Variants in PKNOX2 observed in about 807,000 individuals in gnomAD.
PKNOX2 encodes the protein homeobox protein PKNOX2.
PKNOX2 carries 14 observed loss-of-function variants against 53.1 expected under a neutral mutation model. The ratio of observed to expected loss-of-function variants is 0.26; its 90% CI spans 0.17 to 0.41. The LOEUF (loss-of-function observed/expected upper bound fraction) is 0.41, where lower values mean the gene tolerates loss of function less well. Ranked by LOEUF, PKNOX2 falls within the 10% of genes least tolerant of loss-of-function variation. The pLI is 1.00. For synonymous variants in PKNOX2, 257 were observed against 242.8 expected (o/e 1.06, Z -0.54); for missense variants, 496 against 602.8 (o/e 0.82, Z 1.85).
At chr11:125,420,543 T>C (rs566635603) in intron 10 of PKNOX2, among the ~76,000 whole-genome samples, 4 of 151,638 alleles carry the variant, frequency 2.6e-5, no homozygotes, top group African/African-American at 9.7e-5. Flanking sequence ...AAAAGAAGAA[T>C]GCTAGTGCTT....
At chr11:125,246,078 G>A (rs764971086) in intron 2 of PKNOX2, among the ~76,000 whole-genome samples, 1 of 152,190 alleles carries the variant, frequency 6.6e-6, no homozygotes, top group Admixed American at 6.5e-5. Context: ...CCAGGGAACA[G>A]GAAGAATAGC....
At chr11:125,410,460 T>G (rs1232781531) in intron 8 of PKNOX2, 135 bp downstream of exon 8, 2 of 1,262,260 alleles carry the variant, frequency 1.6e-6, no homozygotes, top group African/African-American at 3.0e-5. Flanking sequence ...GACTAAAGTT[T>G]TCTGTAAGTT....
At chr11:125,242,648 A>G (rs1943250010) in intron 2 of PKNOX2, among the ~76,000 whole-genome samples, 1 of 151,976 alleles carries the variant, frequency 6.6e-6, no homozygotes, top group African/African-American at 2.4e-5. Context: ...CTTCCTGTGC[A>G]ATGCGGGGCA....
intron 3 of PKNOX2, among the ~76,000 whole-genome samples, chr11:125,346,402 T>C (rs906788933): frequency 3.9e-5 from 6 of 152,212 alleles, no homozygotes; most frequent in African/African-American, 1.2e-4. Flanking sequence ...GCTTCCCGAA[T>C]GTTCTGGGGA....
At chr11:125,399,195 G>T (rs1954590142) in intron 7 of PKNOX2, among the ~76,000 whole-genome samples, 1 of 152,242 alleles carries the variant, frequency 6.6e-6, no homozygotes, top group Admixed American at 6.5e-5. Context: ...AGGACATAGG[G>T]CAAGAAGTTT....
At chr11:125,318,050 T>C (rs74725521) in intron 2 of PKNOX2, among the ~76,000 whole-genome samples, 9,530 of 152,270 alleles carry the variant, frequency 0.063, 478 homozygotes, top group East Asian at 0.18. Flanking sequence ...TTTTATGTTA[T>C]AGAGATAGTT....
In PKNOX2 at chr11:125,356,029, A is replaced by ACC. The variant is rs66888533; in HGVS notation, c.87+4647_87+4648dup. ...CACAAAACACACTCTCACTATCAGC[A>ACC]CCCCCCCCCCCACAACTTTTCCTCA... On this transcript the variant is annotated intron_variant, in intron 4 of 12. Transcript: ENST00000298282. 5.5e-3 allele frequency among the ~76,000 whole-genome samples: 496 copies of ACC among 89,938 alleles called. 6 individuals are homozygous for ACC. Among genetic ancestry groups the ACC allele is most frequent in the Middle Eastern group, 7.9e-3 (1 of 126 alleles). The allele number at this position is 89,938 out of a possible 152,430, so 59.0% of individuals were successfully genotyped here. A position where few individuals can be genotyped will look rare whatever the true frequency, so the allele number is the denominator to read the frequency against.
chr11:125,313,319 G>T (rs1948948149), intron 2 of PKNOX2, among the ~76,000 whole-genome samples: 1 of 152,184 alleles, frequency 6.6e-6, no homozygotes, highest in African/African-American at 2.4e-5. Context: ...GTTTGGGGAG[G>T]TTGCTGTGGG....
intron 1 of PKNOX2, among the ~76,000 whole-genome samples, chr11:125,200,723 A>G (rs1255758585): frequency 6.6e-6 from 1 of 152,116 alleles, no homozygotes; most frequent in Non-Finnish European, 1.5e-5. Context: ...TGTGGAGTTT[A>G]TTGTCTGACT....
At chr11:125,318,905 T>C (rs1949363243) in intron 2 of PKNOX2, among the ~76,000 whole-genome samples, 1 of 152,234 alleles carries the variant, frequency 6.6e-6, no homozygotes, top group African/African-American at 2.4e-5. Flanking sequence ...CCTGCTGTTA[T>C]GTAAGACGTG....
At chr11:125,367,458 C>G (rs1032510702) in intron 4 of PKNOX2, among the ~76,000 whole-genome samples, 7 of 152,204 alleles carry the variant, frequency 4.6e-5, no homozygotes, top group African/African-American at 1.7e-4. Flanking sequence ...CTCCTGTTTT[C>G]CTGCTTTTCA....
intron 3 of PKNOX2, among the ~76,000 whole-genome samples, chr11:125,339,931 G>A (rs532099529): frequency 6.6e-6 from 1 of 152,244 alleles, no homozygotes; most frequent in East Asian, 1.9e-4. Context: ...ATGAGTCCAC[G>A]ATGAAGACTC....
chr11:125,167,484 C>G (rs1043815410), intron 1 of PKNOX2, among the ~76,000 whole-genome samples: 3 of 152,180 alleles, frequency 2.0e-5, no homozygotes, highest in African/African-American at 7.2e-5. Flanking sequence ...CCCACGGAGA[C>G]TCCCTGGTCA....
rs555883258 is a variant in PKNOX2, at chr11:125,364,107, A to G, written c.88-3739A>G. 7.2e-5 allele frequency among the ~76,000 whole-genome samples: 11 copies of G among 152,302 alleles called. No individual in the cohort carries two copies. The Middle Eastern group carries it at 0.014, about 188-fold the overall frequency. ...GTGCTGCCCAGTAACTTCCCCCAAA[A>G]AAACTTACTTCAAGCTATCCCCATC... On this transcript the variant is annotated intron_variant, in intron 4 of 12. Coordinates refer to ENST00000298282, the MANE Select transcript of PKNOX2 (RefSeq NM_001382323.2).
intron 2 of PKNOX2, among the ~76,000 whole-genome samples, chr11:125,322,521 C>T (rs541919903): frequency 1.4e-3 from 210 of 152,346 alleles, no homozygotes; most frequent in African/African-American, 4.6e-3. Context: ...CTAATGACCA[C>T]CTTCCCCGCC....
At chr11:125,204,925 A>T (rs945925182) in intron 1 of PKNOX2, among the ~76,000 whole-genome samples, 1 of 151,974 alleles carries the variant, frequency 6.6e-6, no homozygotes, top group African/African-American at 2.4e-5. Flanking sequence ...ACAAAACAAG[A>T]CCGTACACTC....
chr11:125,180,432 G>A (rs1055512713), intron 1 of PKNOX2, among the ~76,000 whole-genome samples: 1 of 152,224 alleles, frequency 6.6e-6, no homozygotes. Flanking sequence ...GATGTGTCAG[G>A]TTCATTCAAA....
At chr11:125,326,544 G>A (rs532545230) in intron 2 of PKNOX2, among the ~76,000 whole-genome samples, 1 of 152,310 alleles carries the variant, frequency 6.6e-6, no homozygotes, top group South Asian at 2.1e-4. Flanking sequence ...TTGAGCAGAG[G>A]AGAAACACCA....
chr11:125,208,544 G>A (rs1467985246), intron 1 of PKNOX2, among the ~76,000 whole-genome samples: 7 of 152,100 alleles, frequency 4.6e-5, no homozygotes, highest in African/African-American at 9.7e-5. Flanking sequence ...GGAGTGAGAA[G>A]TAATGAAGGA....
Sources: gnomAD v4.1 joint callset for allele counts (sites outside exome capture counted in the v4.1 genomes callset) on GRCh38, gnomAD v4.1.1 for gene constraint, MANE v1.5 for transcripts, NCBI Gene and HGNC (gene_info 2026-07-23, HGNC 2026-07-21) for gene names.